SLIT3: variants seen among roughly 807,000 people sequenced by gnomAD.
SLIT3 encodes slit guidance ligand 3, also known as slit homolog 3 protein.
In SLIT3, 68 loss-of-function variants were observed where a neutral mutation model predicts 184.0. The ratio of observed to expected loss-of-function variants is 0.37; its 90% CI spans 0.30 to 0.45. SLIT3 has a LOEUF of 0.45. SLIT3 is among the 20% of genes least tolerant of loss of function. SLIT3 has a pLI of 1.00. For synonymous variants in SLIT3, 831 were observed against 828.6 expected (o/e 1.00, Z -0.05); for missense variants, 1,707 against 2,026.0 (o/e 0.84, Z 3.02).
rs189408995 is a variant in SLIT3, at chr5:168,769,999, C to T, written c.1459+2782G>A. On this transcript the variant is annotated intron_variant, in intron 14 of 35. Transcript: ENST00000519560. ...CTGTTCGCCGTCTTTGGACACTTTGCGTCACCACCCTCTGTACTTTTCAGC... is the reference window on the plus strand; with the variant it reads ...CTGTTCGCCGTCTTTGGACACTTTGTGTCACCACCCTCTGTACTTTTCAGC... 7.2e-5 allele frequency among the ~76,000 whole-genome samples: 11 copies of T among 152,338 alleles called. No individual in the cohort carries two copies. The East Asian group carries it at 1.2e-3, about 16-fold the overall frequency.
At chr5:168,858,909 C>G (rs1205882702) in intron 5 of SLIT3, among the ~76,000 whole-genome samples, 1 of 152,198 alleles carries the variant, frequency 6.6e-6, no homozygotes, top group Non-Finnish European at 1.5e-5. Context: ...GGTGCAAGAT[C>G]TACATGTGAA....
At chr5:169,265,265 C>A (rs1199057693) in intron 1 of SLIT3, among the ~76,000 whole-genome samples, 2 of 152,186 alleles carry the variant, frequency 1.3e-5, no homozygotes, top group Non-Finnish European at 2.9e-5. Flanking sequence ...GCCTGCAGAC[C>A]TGCGTAGTCT....
At chr5:168,787,816 C>A (rs1184847411) in intron 11 of SLIT3, among the ~76,000 whole-genome samples, 1 of 151,984 alleles carries the variant, frequency 6.6e-6, no homozygotes, top group African/African-American at 2.4e-5. Context: ...GGCTCTCCAG[C>A]CCTTTACCTT....
intron 4 of SLIT3, among the ~76,000 whole-genome samples, chr5:169,185,284 G>A (rs297881): frequency 0.26 from 38,990 of 152,094 alleles, 5,277 homozygotes; most frequent in East Asian, 0.39. Context: ...GACTCAGTTT[G>A]CAGGGACATT....
At chr5:168,746,928 G>A (rs1172660105) in intron 20 of SLIT3, among the ~76,000 whole-genome samples, 1 of 134,904 alleles carries the variant, frequency 7.4e-6, no homozygotes, top group Non-Finnish European at 1.6e-5. Context: ...GGGTGTGGTG[G>A]TGTGTGGTGT....
intron 4 of SLIT3, among the ~76,000 whole-genome samples, chr5:168,963,690 C>A (rs1166639388): frequency 6.6e-6 from 1 of 152,196 alleles, no homozygotes; most frequent in African/African-American, 2.4e-5. Flanking sequence ...AGAGTCTGGA[C>A]CATCATAGGC....
Position 168,666,283 on chromosome 5 carries a change from TA to T in SLIT3, c.*170del. On this transcript the variant is annotated 3_prime_UTR_variant, in exon 36 of 36. Coordinates refer to ENST00000519560, the MANE Select transcript of SLIT3 (RefSeq NM_003062.4). ...AGATGAAAATAGTCACTTTCCATAA[TA>T]AAAATAAGTTCTATTTTTTGTTTAT... 1.8e-6 allele frequency: 1 copy of T among 560,374 alleles called. No individual in the cohort carries two copies. The highest frequency in any genetic ancestry group is 2.9e-6 in the Non-Finnish European group (1 of 346,620). The allele number at this position is 560,374 out of a possible 1,614,324, so 34.7% of individuals were successfully genotyped here. A position where few individuals can be genotyped will look rare whatever the true frequency, so the allele number is the denominator to read the frequency against.
At chr5:169,063,348 T>C (rs546604165) in intron 4 of SLIT3, among the ~76,000 whole-genome samples, 1 of 152,302 alleles carries the variant, frequency 6.6e-6, no homozygotes, top group East Asian at 1.9e-4. Flanking sequence ...GGCTGGAAGT[T>C]TCCTTCCTAC....
At chr5:168,795,712 A>T (rs1202338256) in intron 9 of SLIT3, 134 bp from the exon 10 acceptor site, 4 of 701,838 alleles carry the variant, frequency 5.7e-6, no homozygotes. Flanking sequence ...GTTGTGGCAG[A>T]CCAGACAAAA....
rs926516982 is a variant in SLIT3, at chr5:168,877,871, A to G, written c.485+5394T>C. Among the ~76,000 whole-genome samples the G allele has an allele frequency of 1.1e-4, 17 of 151,958 alleles. 2 individuals carry two copies. Among genetic ancestry groups the G allele is most frequent in the African/African-American group, 4.1e-4 (17 of 41,484 alleles). ...CAGGGCAAGGGGACATTTAAAAAAAAACAATCCCTACTGGTTTTTGTCTTT... is the reference window on the plus strand; with the variant it reads ...CAGGGCAAGGGGACATTTAAAAAAAGACAATCCCTACTGGTTTTTGTCTTT... On this transcript the variant is annotated intron_variant, in intron 5 of 35. Transcript: ENST00000519560.
intron 19 of SLIT3, among the ~76,000 whole-genome samples, chr5:168,749,105 C>T (rs1361847295): frequency 6.6e-6 from 1 of 152,162 alleles, no homozygotes; most frequent in Non-Finnish European, 1.5e-5. Flanking sequence ...CACAAGGGTG[C>T]CATATCATTT....
intron 6 of SLIT3, among the ~76,000 whole-genome samples, chr5:168,836,087 AGTGG>A (rs1758044957): frequency 2.0e-5 from 3 of 152,162 alleles, no homozygotes; most frequent in Non-Finnish European, 4.4e-5. Flanking sequence ...CCATTAAGCC[AGTGG>A]GTAGGAGAGG....
At chr5:168,911,326 G>A (rs1233202053) in intron 4 of SLIT3, among the ~76,000 whole-genome samples, 3 of 152,088 alleles carry the variant, frequency 2.0e-5, no homozygotes, top group South Asian at 2.1e-4. Context: ...CACCCCACCC[G>A]ACCTTTCTGC....
At chr5:168,963,014 A>G (rs1376388367) in intron 4 of SLIT3, among the ~76,000 whole-genome samples, 1 of 152,166 alleles carries the variant, frequency 6.6e-6, no homozygotes, top group Non-Finnish European at 1.5e-5. Flanking sequence ...CAATGATCAT[A>G]CATGGTCATT....
At chr5:168,747,912 A>G (rs1754544372) in intron 20 of SLIT3, among the ~76,000 whole-genome samples, 1 of 152,148 alleles carries the variant, frequency 6.6e-6, no homozygotes, top group Non-Finnish European at 1.5e-5. Context: ...TGTTTTCACA[A>G]TTATCCTGCA....
chr5:169,031,025 A>T (rs1048338502), intron 4 of SLIT3, among the ~76,000 whole-genome samples: 1 of 152,172 alleles, frequency 6.6e-6, no homozygotes, highest in African/African-American at 2.4e-5. Flanking sequence ...TCCTCTCCTG[A>T]ATAGCAACTT....
Position 169,150,651 on chromosome 5 carries a change from G to A in SLIT3, c.413+42828C>T, listed in dbSNP as rs536699695. ...TGCCTTATGGAGGCACCAGGATGAAGGAGGTGAAAGGCTGACTTAAGAGTC... is the reference window on the plus strand; with the variant it reads ...TGCCTTATGGAGGCACCAGGATGAAAGAGGTGAAAGGCTGACTTAAGAGTC... On this transcript the variant is annotated intron_variant, in intron 4 of 35. Coordinates refer to ENST00000519560, the MANE Select transcript of SLIT3 (RefSeq NM_003062.4). Among the ~76,000 whole-genome samples the A allele has an allele frequency of 2.0e-5, 3 of 152,216 alleles. No individual in the cohort carries two copies. The South Asian group carries it at 6.2e-4, about 32-fold the overall frequency.
At chr5:169,123,166 T>C (rs2113293428) in intron 4 of SLIT3, among the ~76,000 whole-genome samples, 1 of 152,238 alleles carries the variant, frequency 6.6e-6, no homozygotes, top group South Asian at 2.1e-4. Flanking sequence ...GGATCTAGTT[T>C]GAGGTACTAA....
Position 169,009,047 on chromosome 5 carries a change from C to G in SLIT3, c.414-125711G>C, listed in dbSNP as rs149146278. On this transcript the variant is annotated intron_variant, in intron 4 of 35. Transcript: ENST00000519560. ...GATTTGAACCAAGGCAGCTTGACCT[C>G]TCTGCACCCAAGGTAACATTTCAAT... Among the ~76,000 whole-genome samples the G allele has an allele frequency of 2.6e-5, 4 of 152,214 alleles. No homozygotes were observed. In the East Asian group the frequency reaches 7.7e-4, roughly 29 times the overall value.
Sources: allele counts gnomAD v4.1 joint callset (sites outside exome capture counted in the v4.1 genomes callset), GRCh38; gene constraint gnomAD v4.1.1; transcripts MANE v1.5; gene names NCBI Gene and HGNC (gene_info 2026-07-23, HGNC 2026-07-21).